The following PCMTD2 variants were observed in gnomAD, a reference collection of about 807,000 sequenced individuals.
PCMTD2 encodes the protein protein-L-isoaspartate (D-aspartate) O-methyltransferase domain containing 2, also known as protein-L-isoaspartate O-methyltransferase domain-containing protein 2.
PCMTD2 carries 16 observed loss-of-function variants against 33.4 expected under a neutral mutation model. The observed-to-expected ratio is 0.48, with a 90% CI of 0.32 to 0.73. The LOEUF (loss-of-function observed/expected upper bound fraction) is 0.73, where lower values mean the gene tolerates loss of function less well. Among genes scored for constraint, PCMTD2 ranks in the 30% least tolerant of loss-of-function variants. The probability of loss-of-function intolerance (pLI) is 0.03; values close to 1 mark genes in which losing one functional copy is unlikely to be tolerated. For missense variants in PCMTD2, 374 were observed against 449.9 expected (o/e 0.83, Z 1.53); for synonymous variants, 161 against 160.8 (o/e 1.00, Z -0.01).
In PCMTD2 at chr20:64,265,419, T is replaced by C; in HGVS notation, c.572T>C (p.Leu191Pro). ...GTGGGAGGGATCCTTGTCATGCCAC[T>C]GGAAGAGAAGGTCAGATTCCCTTCA... ...LKVGGILVMP[L>P]EEKLTKITRT... Residue 191 changes from leucine to proline, a missense_variant, in exon 4 of 6, where the codon CTG becomes CCG. Transcript: ENST00000308824. The C allele has an allele frequency of 6.2e-7, 1 of 1,610,456 alleles. No individual in the cohort carries two copies. The highest frequency in any genetic ancestry group is 8.5e-7 in the Non-Finnish European group (1 of 1,178,098).
At chr20:64,269,147 A>G (rs918504402) in intron 5 of PCMTD2, among the ~76,000 whole-genome samples, 6 of 152,342 alleles carry the variant, frequency 3.9e-5, no homozygotes, top group Admixed American at 2.0e-4. Context: ...TGCTTTAAAT[A>G]AAAGATACAG....
At chr20:64,267,242 A>G (rs1298075967) in intron 4 of PCMTD2, among the ~76,000 whole-genome samples, 2 of 152,216 alleles carry the variant, frequency 1.3e-5, no homozygotes, top group African/African-American at 2.4e-5. Context: ...AAATGTTTTG[A>G]TGGCCTACAC....
In PCMTD2 at chr20:64,273,358, G is replaced by A. The variant is rs753141696; in HGVS notation, c.844G>A (p.Val282Ile). 4.3e-6 allele frequency: 7 copies of A among 1,614,182 alleles called. No homozygotes were observed. The highest frequency in any genetic ancestry group is 5.9e-6 in the Non-Finnish European group (7 of 1,180,032). Residue 282 changes from valine (V) to isoleucine (I), a missense_variant, in exon 6 of 6, where the codon GTT becomes ATT. By Grantham distance (29) the Val-to-Ile change is conservative. Transcript: ENST00000308824. The stretch of plus-strand genomic sequence containing the variant: ...CACCCCCAGGTTTAAACGAAGGAGA[G>A]TTCGCCGCCGTCGAATGGAAACGAT... ...KNTPRFKRRR[V>I]RRRRMETIVF...
Position 64,260,274 on chromosome 20 carries a change from T to C in PCMTD2, c.307+2T>C. ...GCTCCATGGTGGGCCTCATTCTAGG[T>C]AAGTGTGGAAGGAGAGTCTGAAAAC... On this transcript the variant is annotated splice_donor_variant, in intron 2 of 5. Coordinates refer to ENST00000308824, the MANE Select transcript of PCMTD2 (RefSeq NM_018257.3). LOFTEE classifies it high-confidence loss of function. 6.3e-7 allele frequency: 1 copy of C among 1,599,512 alleles called. No homozygotes were observed. Among genetic ancestry groups the C allele is most frequent in the South Asian group, 1.1e-5 (1 of 90,702 alleles).
At chr20:64,267,784 T>A in intron 4 of PCMTD2, 103 bp from the exon 5 acceptor site, 1 of 954,490 alleles carries the variant, frequency 1.0e-6, no homozygotes. Context: ...TTCATTTTAT[T>A]GTAAGCATTT....
At chr20:64,257,465 T>TCTACA (rs1415732485) in intron 1 of PCMTD2, among the ~76,000 whole-genome samples, 7 of 152,222 alleles carry the variant, frequency 4.6e-5, no homozygotes, top group African/African-American at 1.7e-4. Flanking sequence ...TAAAAATGAT[T>TCTACA]CTACACTTTT....
chr20:64,264,667 T>A (rs1985578617), intron 3 of PCMTD2, 136 bp downstream of exon 3: 1 of 608,762 alleles, frequency 1.6e-6, no homozygotes, highest in African/African-American at 1.9e-5. Context: ...CTGTTCTAAT[T>A]TTCAGAAAAG....
intron 5 of PCMTD2, 100 bp downstream of exon 5, chr20:64,268,110 A>G (rs1252941868): frequency 5.1e-5 from 35 of 691,664 alleles, no homozygotes; most frequent in Non-Finnish European, 7.8e-5. Flanking sequence ...TTGATATTAA[A>G]AAGCACCACT....
intron 2 of PCMTD2, among the ~76,000 whole-genome samples, chr20:64,262,225 GTCT>G (rs1180717682): frequency 6.6e-6 from 1 of 151,936 alleles, no homozygotes; most frequent in African/African-American, 2.4e-5. Context: ...CTGCACTCCA[GTCT>G]GGCTAACGGA....
At position 64,265,440 on chromosome 20, in the gene PCMTD2, CT is replaced by C; in HGVS notation, c.582+13del. ...CCACTGGAAGAGAAGGTCAGATTCCCTTCATAACTGACATTTCTGCACACTG... is the reference window on the plus strand; with the variant it reads ...CCACTGGAAGAGAAGGTCAGATTCCCTCATAACTGACATTTCTGCACACTG... On this transcript the variant is annotated intron_variant, in intron 4 of 5. Coordinates refer to ENST00000308824, the MANE Select transcript of PCMTD2 (RefSeq NM_018257.3). 1.2e-6 allele frequency: 2 copies of C among 1,600,240 alleles called. No individual in the cohort carries two copies. Among genetic ancestry groups the C allele is most frequent in the Non-Finnish European group, 1.7e-6 (2 of 1,171,130 alleles).
intron 5 of PCMTD2, 132 bp downstream of exon 5, chr20:64,268,142 T>TATGTGCAGGCCTTTCTGA: frequency 2.5e-6 from 1 of 405,140 alleles, no homozygotes; most frequent in African/African-American, 2.6e-5. Context: ...ACTGTAAAAT[T>TATGTGCAGGCCTTTCTGA]CTACAAGCAA....
chr20:64,269,534 C>A (rs1985797943), intron 5 of PCMTD2, among the ~76,000 whole-genome samples: 1 of 152,198 alleles, frequency 6.6e-6, no homozygotes, highest in African/African-American at 2.4e-5. Context: ...TGCAACTTTT[C>A]TTTTCCTGGG....
At position 64,273,264 on chromosome 20, in the gene PCMTD2, C is replaced by T; in HGVS notation, c.750C>T (p.Ala250=). The change falls in exon 6 of 6, where the codon GCC becomes GCT. Residue 250 remains alanine (A), a synonymous_variant. Transcript: ENST00000308824. ...GCCTCCAGGACTTGGCTCGCATCGC[C>T]ATCCGGGGCACCATTAAAAAGATTA... ...VRSLQDLARI[A]IRGTIKKIIH... The T allele has an allele frequency of 6.2e-7, 1 of 1,614,060 alleles. No homozygotes were observed. Among genetic ancestry groups the T allele is most frequent in the Non-Finnish European group, 8.5e-7 (1 of 1,179,928 alleles).
At chr20:64,268,374 T>C (rs2145763640) in intron 5 of PCMTD2, among the ~76,000 whole-genome samples, 1 of 152,318 alleles carries the variant, frequency 6.6e-6, no homozygotes, top group East Asian at 1.9e-4. Flanking sequence ...TACAGAGTCA[T>C]GGGGCTTCTG....
Position 64,258,071 on chromosome 20 carries a change from T to A in PCMTD2, c.-24-1871T>A, listed in dbSNP as rs187412170. Among the ~76,000 whole-genome samples, 8 of 152,358 alleles carry A rather than the reference T, an allele frequency of 5.3e-5. No homozygotes were observed. In the East Asian group the frequency reaches 1.5e-3, roughly 29 times the overall value. ...CAACATACAGTTTGAGGTTACCTTC[T>A]AGAGATGTGGCATTGAGACAATGTT... On this transcript the variant is annotated intron_variant, in intron 1 of 5. Transcript: ENST00000308824.
intron 1 of PCMTD2, chr20:64,257,150 TC>T (rs1386161006): frequency 6.6e-6 from 1 of 152,228 alleles, no homozygotes; most frequent in Non-Finnish European, 1.5e-5. Flanking sequence ...AATTACTTTG[TC>T]CATATTACCC....
chr20:64,267,473 G>A (rs1387710534), intron 4 of PCMTD2, among the ~76,000 whole-genome samples: 2 of 152,172 alleles, frequency 1.3e-5, no homozygotes, highest in Non-Finnish European at 2.9e-5. Context: ...CAACAGGTCA[G>A]GATTCAGTTG....
chr20:64,263,486 A>C (rs188290131), intron 2 of PCMTD2, among the ~76,000 whole-genome samples: 5 of 152,338 alleles, frequency 3.3e-5, no homozygotes, highest in Admixed American at 2.6e-4. Flanking sequence ...GTCCAGTGCT[A>C]CATGATCACT....
intron 5 of PCMTD2, among the ~76,000 whole-genome samples, chr20:64,268,365 A>G (rs1010753109): frequency 6.6e-6 from 1 of 152,232 alleles, no homozygotes; most frequent in Admixed American, 6.5e-5. Context: ...GAGGGCTCCT[A>G]CAGAGTCATG....
Sources: gnomAD v4.1 joint callset for allele counts (sites outside exome capture counted in the v4.1 genomes callset) on GRCh38, gnomAD v4.1.1 for gene constraint, MANE v1.5 for transcripts, NCBI Gene and HGNC (gene_info 2026-07-23, HGNC 2026-07-21) for gene names.